Variants in RIMS2 observed in about 807,000 individuals in gnomAD.
RIMS2 encodes the protein regulating synaptic membrane exocytosis 2, also known as regulating synaptic membrane exocytosis protein 2.
Under a neutral mutation model 174.4 loss-of-function variants are expected in RIMS2, and 59 were observed. That is an observed-to-expected ratio of 0.34 (90% CI 0.27 to 0.42). The LOEUF (loss-of-function observed/expected upper bound fraction) is 0.42, where lower values mean the gene tolerates loss of function less well. Among genes scored for constraint, RIMS2 ranks in the 10% least tolerant of loss-of-function variants. The pLI is 1.00. For missense variants in RIMS2, 1,620 were observed against 1,666.3 expected (o/e 0.97, Z 0.48); for synonymous variants, 606 against 572.5 (o/e 1.06, Z -0.84).
At chr8:104,151,362 A>G (rs2098687880) in intron 19 of RIMS2, among the ~76,000 whole-genome samples, 1 of 152,160 alleles carries the variant, frequency 6.6e-6, no homozygotes, top group Admixed American at 6.5e-5. Flanking sequence ...TGAGGTCAGG[A>G]GTTTGAGACC....
intron 3 of RIMS2, among the ~76,000 whole-genome samples, chr8:103,777,397 G>A (rs2098330019): frequency 6.6e-6 from 1 of 151,474 alleles, no homozygotes; most frequent in African/African-American, 2.4e-5. Flanking sequence ...CATTTTCACT[G>A]GTCAGCTGTT....
At position 103,764,922 on chromosome 8, in the gene RIMS2, T is replaced by C. The variant is rs113314665; in HGVS notation, c.388-1305T>C. 4.6e-3 allele frequency among the ~76,000 whole-genome samples: 706 copies of C among 152,166 alleles called. 6 individuals carry two copies. The highest frequency in any genetic ancestry group is 0.016 in the African/African-American group (656 of 41,532). On this transcript the variant is annotated intron_variant, in intron 2 of 23. Coordinates refer to ENST00000504942, the Ensembl canonical transcript of RIMS2. Reference sequence around the variant, plus strand: ...GAAAAGAAATGTATATACAATTCAATGAAAGAACAAAATAATAAAAATGAG... The same window carrying C: ...GAAAAGAAATGTATATACAATTCAACGAAAGAACAAAATAATAAAAATGAG...
At chr8:104,070,888 T>C (rs780110514) in intron 19 of RIMS2, among the ~76,000 whole-genome samples, 1 of 152,138 alleles carries the variant, frequency 6.6e-6, no homozygotes, top group Non-Finnish European at 1.5e-5. Flanking sequence ...TCTAAGATCC[T>C]ACATACCCAC....
In RIMS2 at chr8:103,779,640, A is replaced by T. The variant is rs2098362335; in HGVS notation, c.698+13103A>T. 1.3e-5 allele frequency among the ~76,000 whole-genome samples: 2 copies of T among 151,428 alleles called. 1 individual carries two copies. Among genetic ancestry groups the T allele is most frequent in the South Asian group, 4.2e-4 (2 of 4,768 alleles). Reference sequence around the variant, plus strand: ...AAGCTGGAAACCATCATTCTGAGCAAACTATTGCAAAGACAGAAAACCAAA... The same window carrying T: ...AAGCTGGAAACCATCATTCTGAGCATACTATTGCAAAGACAGAAAACCAAA... On this transcript the variant is annotated intron_variant, in intron 3 of 23. Coordinates refer to ENST00000504942, the Ensembl canonical transcript of RIMS2.
chr8:103,669,993 T>A (rs750808842), intron 1 of RIMS2, among the ~76,000 whole-genome samples: 1 of 152,190 alleles, frequency 6.6e-6, no homozygotes, highest in Admixed American at 6.5e-5. Context: ...ACTGCCATAG[T>A]AGAGGTTCTT....
In RIMS2 at chr8:103,757,002, TGTGTGTGTGAGAGA is replaced by T. The variant is rs1464426500; in HGVS notation, c.388-9223_388-9210del. On this transcript the variant is annotated intron_variant, in intron 2 of 23. Coordinates refer to ENST00000504942, the Ensembl canonical transcript of RIMS2. ...GTCTGTGTGTGTGTGTGTGTGTGTG[TGTGTGTGTGAGAGA>T]GAGAGAGAGAGAGAGAGAGAGATAC... Among the ~76,000 whole-genome samples, 912 of 144,366 alleles carry T rather than the reference TGTGTGTGTGAGAGA, an allele frequency of 6.3e-3. 10 individuals are homozygous for T. Among genetic ancestry groups the T allele is most frequent in the African/African-American group, 0.023 (840 of 36,014 alleles). The allele number at this position is 144,366 out of a possible 152,430, so 94.7% of individuals were successfully genotyped here.
chr8:103,586,804 C>G (rs910788139), intron 1 of RIMS2, among the ~76,000 whole-genome samples: 6 of 151,696 alleles, frequency 4.0e-5, no homozygotes, highest in Admixed American at 1.3e-4. Context: ...CAAAAATTGG[C>G]TTTTTGAATT....
chr8:103,613,333 C>G (rs1171402111), intron 1 of RIMS2, among the ~76,000 whole-genome samples: 1 of 152,058 alleles, frequency 6.6e-6, no homozygotes, highest in African/African-American at 2.4e-5. Context: ...TAACCCTAGC[C>G]CACTGAGGTG....
At chr8:103,898,872 A>C (rs1181296686) in intron 4 of RIMS2, among the ~76,000 whole-genome samples, 59 of 131,804 alleles carry the variant, frequency 4.5e-4, no homozygotes, top group African/African-American at 8.6e-4. Context: ...ATCCCTCCCC[A>C]CTCCCCCCAC....
rs1425069332 is a variant in RIMS2 at position 103,617,832 on chromosome 8, G to A, written c.177-79254G>A. Among the ~76,000 whole-genome samples, 6 of 151,984 alleles carry A rather than the reference G, an allele frequency of 3.9e-5. No individual in the cohort carries two copies. The East Asian group carries it at 1.2e-3, about 29-fold the overall frequency. ...CCACCTCACACCAGTCAGAATGGCTGTTACTGAAAAGTCAAAAAATAGCAG... is the reference window on the plus strand; with the variant it reads ...CCACCTCACACCAGTCAGAATGGCTATTACTGAAAAGTCAAAAAATAGCAG... On this transcript the variant is annotated intron_variant, in intron 1 of 23. Coordinates refer to ENST00000504942, the Ensembl canonical transcript of RIMS2.
At chr8:103,744,668 G>T (rs150589108) in intron 2 of RIMS2, among the ~76,000 whole-genome samples, 6 of 152,204 alleles carry the variant, frequency 3.9e-5, no homozygotes, top group East Asian at 3.9e-4. Context: ...ATGCCTAAGG[G>T]CATTTTATGG....
chr8:103,744,589 T>C (rs1330860142), intron 2 of RIMS2, among the ~76,000 whole-genome samples: 2 of 152,236 alleles, frequency 1.3e-5, no homozygotes, highest in Admixed American at 6.5e-5. Flanking sequence ...CCTACTCATA[T>C]GCCTTCAGCC....
intron 1 of RIMS2, among the ~76,000 whole-genome samples, chr8:103,648,639 A>C (rs985626675): frequency 6.6e-6 from 1 of 152,192 alleles, no homozygotes; most frequent in Non-Finnish European, 1.5e-5. Flanking sequence ...AGGTGCATAT[A>C]TATTTAGGAG....
intron 3 of RIMS2, among the ~76,000 whole-genome samples, chr8:103,829,152 C>T (rs901063900): frequency 6.8e-6 from 1 of 148,034 alleles, no homozygotes; most frequent in Admixed American, 6.9e-5. Context: ...TGTTCAATAG[C>T]TCTAATCATT....
intron 1 of RIMS2, among the ~76,000 whole-genome samples, chr8:103,524,073 G>C (rs1465002080): frequency 6.6e-6 from 1 of 152,082 alleles, no homozygotes; most frequent in Non-Finnish European, 1.5e-5. Context: ...TTTTAATAAA[G>C]ATTTATAGTT....
rs890049942 is a variant in RIMS2, at chr8:103,992,068, GAGAT to G, written c.3044+2651_3044+2654del. Among the ~76,000 whole-genome samples, 36 of 152,150 alleles carry G rather than the reference GAGAT, an allele frequency of 2.4e-4. No individual in the cohort carries two copies. The South Asian group carries it at 3.7e-3, about 16-fold the overall frequency. ...GTGCTTAGTAAACAAGAAAAAAAGA[GAGAT>G]AGAGAAATCAGCCAGTTCACTTAGT... On this transcript the variant is annotated intron_variant, in intron 17 of 23. Coordinates refer to ENST00000504942, the Ensembl canonical transcript of RIMS2.
chr8:103,814,117 G>C (rs2098704677), intron 3 of RIMS2, among the ~76,000 whole-genome samples: 1 of 152,054 alleles, frequency 6.6e-6, no homozygotes. Flanking sequence ...TGGAGCTAGA[G>C]GTCATTATTC....
intron 19 of RIMS2, among the ~76,000 whole-genome samples, chr8:104,067,949 G>A (rs1340496965): frequency 6.6e-6 from 1 of 152,080 alleles, no homozygotes; most frequent in African/African-American, 2.4e-5. Context: ...TATGCTATCA[G>A]CAGTATTATT....
intron 1 of RIMS2, among the ~76,000 whole-genome samples, chr8:103,590,652 T>C (rs1393320980): frequency 6.6e-6 from 1 of 151,228 alleles, no homozygotes; most frequent in East Asian, 1.9e-4. Context: ...CTATCGTATA[T>C]TTTATCCACC....
Sources: allele counts gnomAD v4.1 joint callset (sites outside exome capture counted in the v4.1 genomes callset), GRCh38; gene constraint gnomAD v4.1.1; transcripts MANE v1.5; gene names NCBI Gene and HGNC (gene_info 2026-07-23, HGNC 2026-07-21).